The following MAP2K1 variants were observed in gnomAD, a reference collection of about 807,000 sequenced individuals.
MAP2K1 encodes the protein mitogen-activated protein kinase kinase 1, also known as dual specificity mitogen-activated protein kinase kinase 1.
Under a neutral mutation model 46.3 loss-of-function variants are expected in MAP2K1, and 16 were observed. The ratio of observed to expected loss-of-function variants is 0.35; its 90% CI spans 0.23 to 0.52. MAP2K1 has a LOEUF of 0.52. Among genes scored for constraint, MAP2K1 ranks in the 20% least tolerant of loss-of-function variants. MAP2K1 has a pLI of 0.94. For synonymous variants in MAP2K1, 183 were observed against 185.6 expected (o/e 0.99, Z 0.11); for missense variants, 263 against 497.1 (o/e 0.53, Z 4.48).
intron 5 of MAP2K1, among the ~76,000 whole-genome samples, chr15:66,457,926 G>A (rs931490654): frequency 6.7e-6 from 1 of 150,310 alleles, no homozygotes; most frequent in Non-Finnish European, 1.5e-5. Context: ...TCGTGTCACT[G>A]CACTCCAGCC....
intron 1 of MAP2K1, among the ~76,000 whole-genome samples, chr15:66,399,620 AT>A (rs1566995790): frequency 6.6e-6 from 1 of 151,032 alleles, no homozygotes; most frequent in Admixed American, 6.6e-5. Context: ...ACACCCAGCT[AT>A]TTTTTTTCAC....
chr15:66,440,160 C>T (rs1181127867), intron 3 of MAP2K1, among the ~76,000 whole-genome samples: 1 of 152,110 alleles, frequency 6.6e-6, no homozygotes, highest in Non-Finnish European at 1.5e-5. Flanking sequence ...GGTGCAATCT[C>T]AGCTCACTGC....
chr15:66,470,044 T>C (rs1892584342), intron 5 of MAP2K1, among the ~76,000 whole-genome samples: 1 of 151,516 alleles, frequency 6.6e-6, no homozygotes, highest in Admixed American at 6.6e-5. Context: ...CTTTCCTTTT[T>C]TTCTTTTGCT....
intron 1 of MAP2K1, among the ~76,000 whole-genome samples, chr15:66,428,665 A>G (rs1377779768): frequency 6.6e-6 from 1 of 152,158 alleles, no homozygotes; most frequent in Non-Finnish European, 1.5e-5. Context: ...GTTGACACGT[A>G]AAATTAACCA....
At chr15:66,425,679 G>T (rs1280526109) in intron 1 of MAP2K1, among the ~76,000 whole-genome samples, 1 of 152,144 alleles carries the variant, frequency 6.6e-6, no homozygotes, top group Non-Finnish European at 1.5e-5. Flanking sequence ...AACTACAAGG[G>T]TATCTACATA....
intron 1 of MAP2K1, among the ~76,000 whole-genome samples, chr15:66,405,843 T>A (rs548715196): frequency 6.6e-6 from 1 of 152,246 alleles, no homozygotes; most frequent in Non-Finnish European, 1.5e-5. Context: ...AGCACTTGGA[T>A]TCCCTCTGGT....
intron 5 of MAP2K1, among the ~76,000 whole-genome samples, chr15:66,463,926 T>G (rs1892395177): frequency 1.3e-5 from 2 of 152,322 alleles, no homozygotes; most frequent in East Asian, 1.9e-4. Context: ...GACAAATGGT[T>G]GTTTTCTTTT....
At position 66,418,694 on chromosome 15, in the gene MAP2K1, G is replaced by A. The variant is rs973803703; in HGVS notation, c.81-16333G>A. Reference sequence around the variant, plus strand: ...TTTTTTTTTTTTGAGACGGAGTCTCGCTCTGTCGCCCAGGCTGGAGTGCAG... The same window carrying A: ...TTTTTTTTTTTTGAGACGGAGTCTCACTCTGTCGCCCAGGCTGGAGTGCAG... On this transcript the variant is annotated intron_variant, in intron 1 of 10. Transcript: ENST00000307102. 6.0e-5 allele frequency among the ~76,000 whole-genome samples: 9 copies of A among 150,668 alleles called. No homozygotes were observed. In the East Asian group the frequency reaches 9.8e-4, roughly 16 times the overall value.
At chr15:66,434,052 T>C (rs1261050768) in intron 1 of MAP2K1, among the ~76,000 whole-genome samples, 1 of 152,222 alleles carries the variant, frequency 6.6e-6, no homozygotes, top group Admixed American at 6.5e-5. Flanking sequence ...CCAAACCCAT[T>C]TGTTCAGCTG....
chr15:66,439,138 G>A (rs549000762), intron 3 of MAP2K1, among the ~76,000 whole-genome samples: 1 of 152,262 alleles, frequency 6.6e-6, no homozygotes, highest in Admixed American at 6.5e-5. Context: ...TCCTCTGGAT[G>A]GAAAATTCTG....
chr15:66,404,794 C>T lies in MAP2K1; in HGVS notation c.80+17367C>T, dbSNP rs903920676. ...GGACACGGTGAGCGGAAATGGTGAG[C>T]GGAAATCAGTGGTTCCTGAGGCACA... On this transcript the variant is annotated intron_variant, in intron 1 of 10. Coordinates refer to ENST00000307102, the MANE Select transcript of MAP2K1 (RefSeq NM_002755.4). Among the ~76,000 whole-genome samples, 21 of 151,942 alleles carry T rather than the reference C, an allele frequency of 1.4e-4. 1 individual carries two copies. The highest frequency in any genetic ancestry group is 2.6e-4 in the Admixed American group (4 of 15,260).
chr15:66,489,325 G>A, intron 9 of MAP2K1, 49 bp downstream of exon 9: 1 of 1,528,796 alleles, frequency 6.5e-7, no homozygotes, highest in Non-Finnish European at 9.1e-7. Flanking sequence ...GATTTGTCAG[G>A]CTCCCCACCC....
intron 5 of MAP2K1, among the ~76,000 whole-genome samples, chr15:66,452,559 T>C (rs1892061359): frequency 6.6e-6 from 1 of 152,272 alleles, no homozygotes; most frequent in Admixed American, 6.5e-5. Flanking sequence ...TTCTTAAGCA[T>C]GGAGTTATGT....
chr15:66,420,921 A>G (rs2093440022), intron 1 of MAP2K1, among the ~76,000 whole-genome samples: 1 of 139,000 alleles, frequency 7.2e-6, no homozygotes, highest in Non-Finnish European at 1.6e-5. Flanking sequence ...ACACATACAT[A>G]CATATATATA....
intron 5 of MAP2K1, among the ~76,000 whole-genome samples, chr15:66,452,741 A>G (rs1892066933): frequency 6.6e-6 from 1 of 152,222 alleles, no homozygotes. Flanking sequence ...AGCAACTGGC[A>G]AAGTGTTTTG....
intron 1 of MAP2K1, among the ~76,000 whole-genome samples, chr15:66,387,743 G>C (rs1031547739): frequency 2.0e-5 from 3 of 152,208 alleles, no homozygotes; most frequent in Non-Finnish European, 4.4e-5. Context: ...TCCCAGTTCT[G>C]TTCTAAATGT....
At chr15:66,421,083 TACACACACATACACACACACACACAC>T (rs1223406944) in intron 1 of MAP2K1, among the ~76,000 whole-genome samples, 1,188 of 75,530 alleles carry the variant, frequency 0.016, 28 homozygotes, top group African/African-American at 0.068. Flanking sequence ...TATATACACA[TACACACACATACACACACACACACAC>T]ACACACACAC....
chr15:66,427,971 G>A (rs150949663), intron 1 of MAP2K1, among the ~76,000 whole-genome samples: 4 of 152,182 alleles, frequency 2.6e-5, no homozygotes, highest in Non-Finnish European at 5.9e-5. Context: ...CCGAGATTGC[G>A]CCATTGCATT....
rs573223602 is a variant in MAP2K1, at chr15:66,474,451, C to T, written c.569-7304C>T. Among the ~76,000 whole-genome samples, 4 of 152,254 alleles carry T rather than the reference C, an allele frequency of 2.6e-5. No homozygotes were observed. The East Asian group carries it at 7.7e-4, about 29-fold the overall frequency. On this transcript the variant is annotated intron_variant, in intron 5 of 10. Coordinates refer to ENST00000307102, the MANE Select transcript of MAP2K1 (RefSeq NM_002755.4). ...AACTGGAGTGGAGAACTATTCTCTCCTTACTGAATTTCAGGGATTTCAGCC... is the reference window on the plus strand; with the variant it reads ...AACTGGAGTGGAGAACTATTCTCTCTTTACTGAATTTCAGGGATTTCAGCC...
Sources: gnomAD v4.1 joint callset for allele counts (sites outside exome capture counted in the v4.1 genomes callset) on GRCh38, gnomAD v4.1.1 for gene constraint, MANE v1.5 for transcripts, NCBI Gene and HGNC (gene_info 2026-07-23, HGNC 2026-07-21) for gene names.